CBFB: variants seen among roughly 807,000 people sequenced by gnomAD.
The protein encoded by CBFB is core-binding factor subunit beta.
A neutral mutation model predicts 30.4 loss-of-function variants in CBFB; 9 were observed. That is an observed-to-expected ratio of 0.30 (90% CI 0.18 to 0.52). The LOEUF is 0.52. CBFB is among the 20% of genes least tolerant of loss of function. The pLI is 0.97. For synonymous variants in CBFB, 94 were observed against 84.0 expected (o/e 1.12, Z -0.65); for missense variants, 170 against 244.0 (o/e 0.70, Z 2.02).
Position 67,066,693 on chromosome 16 carries a change from G to T in CBFB, c.294G>T (p.Lys98Asn), listed in dbSNP as rs1202159162. The change falls in exon 4 of 6, where the codon AAG (lysine) becomes AAT (asparagine). Residue 98 changes from lysine (K) to asparagine (N), a missense_variant. Lys to Asn is a moderately conservative substitution (Grantham distance 94, BLOSUM62 0). Transcript: ENST00000412916. The part of the protein sequence containing the change: ...LEREAGKVYL[K>N]APMILNGVCV... ...TTTCTGTGTCTTAGGTATATTTGAAGGCTCCCATGATTCTGAATGGAGTCT... is the reference window on the plus strand; with the variant it reads ...TTTCTGTGTCTTAGGTATATTTGAATGCTCCCATGATTCTGAATGGAGTCT... 1 of 1,589,966 alleles carries T rather than the reference G, an allele frequency of 6.3e-7. No homozygotes were observed. Among genetic ancestry groups the T allele is most frequent in the Non-Finnish European group, 8.6e-7 (1 of 1,160,610 alleles).
At chr16:67,081,512 A>G (rs1418624514) in intron 4 of CBFB, among the ~76,000 whole-genome samples, 1 of 152,058 alleles carries the variant, frequency 6.6e-6, no homozygotes, top group African/African-American at 2.4e-5. Context: ...TTCTGTCGGA[A>G]TAAAAAAGGC....
At chr16:67,081,361 C>T (rs947571452) in intron 4 of CBFB, among the ~76,000 whole-genome samples, 4 of 152,144 alleles carry the variant, frequency 2.6e-5, no homozygotes, top group Admixed American at 1.3e-4. Flanking sequence ...AAGACACATG[C>T]ACACGTATGT....
chr16:67,076,288 G>A (rs893079954), intron 4 of CBFB, among the ~76,000 whole-genome samples: 2 of 152,068 alleles, frequency 1.3e-5, no homozygotes, highest in African/African-American at 4.8e-5. Flanking sequence ...TAGTTACTTG[G>A]GAGGTTGAGG....
Position 67,099,213 on chromosome 16 carries a change from A to G in CBFB, c.*435A>G, listed in dbSNP as rs556786610. The G allele has an allele frequency of 4.3e-6, 1 of 233,830 alleles. No individual in the cohort carries two copies. Among genetic ancestry groups the G allele is most frequent in the Non-Finnish European group, 8.4e-6 (1 of 118,974 alleles). 14.5% of individuals were successfully genotyped at this position (233,830 alleles called of 1,614,324 possible). On this transcript the variant is annotated 3_prime_UTR_variant, in exon 6 of 6. Transcript: ENST00000412916. Reference sequence around the variant, plus strand: ...TGTTTTGGTTATACAGCTTCATTTTAGATGAGCATTCTTATTTTTTGTTTT... The same window carrying G: ...TGTTTTGGTTATACAGCTTCATTTTGGATGAGCATTCTTATTTTTTGTTTT...
intron 3 of CBFB, among the ~76,000 whole-genome samples, chr16:67,053,253 T>C (rs1960613669): frequency 6.8e-6 from 1 of 146,064 alleles, no homozygotes; most frequent in African/African-American, 2.5e-5. Flanking sequence ...TCTCTCTTTT[T>C]TTTTTTTTTT....
chr16:67,033,329 C>T (rs1966384645), intron 2 of CBFB, among the ~76,000 whole-genome samples: 1 of 152,164 alleles, frequency 6.6e-6, no homozygotes, highest in Non-Finnish European at 1.5e-5. Flanking sequence ...GTCGAAGAAT[C>T]TGTAGTAGAA....
chr16:67,055,357 CTTTTTTTTTT>C (rs1163773529), intron 3 of CBFB, among the ~76,000 whole-genome samples: 37 of 81,466 alleles, frequency 4.5e-4, no homozygotes, highest in African/African-American at 1.7e-3. Flanking sequence ...CAGACACTTT[CTTTTTTTTTT>C]TTTTTTTTTT....
At chr16:67,085,764 G>A (rs1033485925) in intron 5 of CBFB, among the ~76,000 whole-genome samples, 1 of 142,514 alleles carries the variant, frequency 7.0e-6, no homozygotes. Flanking sequence ...TGCAAGCTCC[G>A]CCTCCCTGGT....
rs142399342 is a variant in CBFB at position 67,056,975 on chromosome 16, C to T, written c.283-9707C>T. On this transcript the variant is annotated intron_variant, in intron 3 of 5. Coordinates refer to ENST00000412916, the MANE Select transcript of CBFB (RefSeq NM_022845.3). Reference sequence around the variant, plus strand: ...GATTACAGGCGTGAGCCACCATGCCCGGCCTCTAGCAGGCTTTTTATTTTT... The same window carrying T: ...GATTACAGGCGTGAGCCACCATGCCTGGCCTCTAGCAGGCTTTTTATTTTT... 1.4e-4 allele frequency among the ~76,000 whole-genome samples: 21 copies of T among 149,656 alleles called. No individual in the cohort carries two copies. The East Asian group carries it at 3.8e-3, about 27-fold the overall frequency.
At chr16:67,066,040 G>C (rs1364392204) in intron 3 of CBFB, among the ~76,000 whole-genome samples, 1 of 151,900 alleles carries the variant, frequency 6.6e-6, no homozygotes, top group Non-Finnish European at 1.5e-5. Context: ...TTGGTTAAAA[G>C]CAGTAGAAAT....
At chr16:67,044,254 A>G (rs1194994899) in intron 3 of CBFB, among the ~76,000 whole-genome samples, 4 of 152,190 alleles carry the variant, frequency 2.6e-5, no homozygotes, top group South Asian at 2.1e-4. Context: ...GACTTTAAAG[A>G]TAAGGGGTAT....
intron 5 of CBFB, among the ~76,000 whole-genome samples, chr16:67,083,047 C>T (rs1373480873): frequency 1.3e-5 from 2 of 152,140 alleles, no homozygotes; most frequent in Non-Finnish European, 2.9e-5. Flanking sequence ...GGTTTGGTGG[C>T]ACATGCCTGT....
intron 3 of CBFB, among the ~76,000 whole-genome samples, chr16:67,059,425 G>A (rs759323662): frequency 1.2e-4 from 19 of 152,288 alleles, no homozygotes; most frequent in Non-Finnish European, 2.6e-4. Flanking sequence ...AATTGAATCC[G>A]TTTTGCCTTG....
chr16:67,063,255 G>T (rs140908435), intron 3 of CBFB, among the ~76,000 whole-genome samples: 2 of 152,280 alleles, frequency 1.3e-5, no homozygotes, highest in East Asian at 3.9e-4. Flanking sequence ...AACGGTTTCA[G>T]TTGTAACTAA....
At chr16:67,056,479 T>C (rs919298842) in intron 3 of CBFB, among the ~76,000 whole-genome samples, 56 of 152,232 alleles carry the variant, frequency 3.7e-4, no homozygotes, top group African/African-American at 1.3e-3. Flanking sequence ...ACAGTGTTCA[T>C]GTAGATTTGA....
chr16:67,098,442 T>G (rs943153266), intron 5 of CBFB, among the ~76,000 whole-genome samples: 5 of 152,132 alleles, frequency 3.3e-5, no homozygotes, highest in Non-Finnish European at 7.4e-5. Flanking sequence ...CAGTGCTAGA[T>G]TTGTTGTTAT....
At chr16:67,063,892 A>G (rs1035640436) in intron 3 of CBFB, among the ~76,000 whole-genome samples, 1 of 152,216 alleles carries the variant, frequency 6.6e-6, no homozygotes, top group East Asian at 1.9e-4. Context: ...TTCAAAAAAA[A>G]GATGCTTCCA....
At chr16:67,055,651 C>T (rs115947495) in intron 3 of CBFB, among the ~76,000 whole-genome samples, 5,539 of 151,718 alleles carry the variant, frequency 0.037, 146 homozygotes, top group South Asian at 0.078. Context: ...CCACCACACC[C>T]GGCCTCCAGA....
At chr16:67,056,381 T>G (rs187996177) in intron 3 of CBFB, among the ~76,000 whole-genome samples, 124 of 152,278 alleles carry the variant, frequency 8.1e-4, no homozygotes, top group African/African-American at 2.8e-3. Flanking sequence ...AAAACAAAAT[T>G]ATGTATTGAT....
Sources: allele counts gnomAD v4.1 joint callset (sites outside exome capture counted in the v4.1 genomes callset), GRCh38; gene constraint gnomAD v4.1.1; transcripts MANE v1.5; gene names NCBI Gene and HGNC (gene_info 2026-07-23, HGNC 2026-07-21).